The following ZNF438 variants were observed in gnomAD, a reference collection of about 807,000 sequenced individuals.
ZNF438 encodes the protein zinc finger protein 438.
ZNF438 carries 25 observed loss-of-function variants against 38.0 expected under a neutral mutation model. The ratio of observed to expected loss-of-function variants is 0.66; its 90% CI spans 0.48 to 0.92. The LOEUF is 0.92. Ranked by LOEUF, ZNF438 falls within the 40% of genes least tolerant of loss-of-function variation. The pLI is 0.00. For synonymous variants in ZNF438, 372 were observed against 364.1 expected (o/e 1.02, Z -0.25); for missense variants, 1,007 against 999.6 (o/e 1.01, Z -0.10).
chr10:30,921,511 T>C (rs1349380207), intron 2 of ZNF438, among the ~76,000 whole-genome samples: 1 of 152,166 alleles, frequency 6.6e-6, no homozygotes. Flanking sequence ...TCTTGACCTA[T>C]TTTTCTGGCT....
chr10:30,885,122 A>T (rs1348616061), intron 3 of ZNF438, among the ~76,000 whole-genome samples: 1 of 152,248 alleles, frequency 6.6e-6, no homozygotes, highest in African/African-American at 2.4e-5. Context: ...CATTCAGATA[A>T]ATGCCATAAT....
intron 4 of ZNF438, among the ~76,000 whole-genome samples, chr10:30,859,716 C>T (rs777279331): frequency 1.3e-5 from 2 of 152,162 alleles, no homozygotes; most frequent in Non-Finnish European, 2.9e-5. Flanking sequence ...CAAGTAGTTC[C>T]TGCTACATGT....
chr10:31,030,358 C>T (rs552098285), intron 1 of ZNF438, among the ~76,000 whole-genome samples: 13 of 152,304 alleles, frequency 8.5e-5, no homozygotes, highest in Admixed American at 2.0e-4. Context: ...AATATGAGCC[C>T]TGCTAGGTTG....
At chr10:31,007,347 T>C (rs577855803) in intron 1 of ZNF438, among the ~76,000 whole-genome samples, 4 of 149,590 alleles carry the variant, frequency 2.7e-5, no homozygotes, top group Non-Finnish European at 5.9e-5. Context: ...AGTGGCGTGA[T>C]CTCAGCTCAC....
intron 1 of ZNF438, among the ~76,000 whole-genome samples, chr10:31,015,959 C>A (rs2056164010): frequency 1.3e-5 from 2 of 152,166 alleles, no homozygotes; most frequent in Non-Finnish European, 2.9e-5. Flanking sequence ...CTTACTTAAC[C>A]TTAATCACCT....
chr10:30,910,976 C>T (rs376009368), intron 2 of ZNF438, among the ~76,000 whole-genome samples: 1 of 152,024 alleles, frequency 6.6e-6, no homozygotes, highest in East Asian at 1.9e-4. Context: ...AATACATTTT[C>T]ATAACTTAAA....
At chr10:30,895,321 A>T (rs2041185282) in intron 3 of ZNF438, among the ~76,000 whole-genome samples, 1 of 152,236 alleles carries the variant, frequency 6.6e-6, no homozygotes, top group Admixed American at 6.5e-5. Context: ...TGATGGTGCT[A>T]GCCAAGAGTT....
intron 1 of ZNF438, among the ~76,000 whole-genome samples, chr10:30,947,321 G>A (rs1386167941): frequency 6.6e-6 from 1 of 152,256 alleles, no homozygotes; most frequent in Admixed American, 6.5e-5. Flanking sequence ...TGTGTCTTCA[G>A]GGGATGTGTT....
chr10:30,907,057 C>T (rs1191888724), intron 3 of ZNF438, among the ~76,000 whole-genome samples: 1 of 152,224 alleles, frequency 6.6e-6, no homozygotes. Flanking sequence ...TCACTGCAAC[C>T]TCCGTCTCCT....
chr10:30,875,452 A>C, intron 4 of ZNF438: 1 of 980,864 alleles, frequency 1.0e-6, no homozygotes, highest in Non-Finnish European at 1.2e-6. Context: ...TATGGAATGG[A>C]GTCCAGCTTT....
chr10:30,942,256 T>G (rs949570254), intron 1 of ZNF438, among the ~76,000 whole-genome samples: 3 of 152,094 alleles, frequency 2.0e-5, no homozygotes, highest in Non-Finnish European at 2.9e-5. Flanking sequence ...CTGTAAGAGG[T>G]TGAATGCTAG....
intron 1 of ZNF438, among the ~76,000 whole-genome samples, chr10:30,982,344 A>C (rs1248977553): frequency 6.6e-6 from 1 of 151,984 alleles, no homozygotes; most frequent in Admixed American, 6.6e-5. Context: ...CTCGTGATCC[A>C]CCTGCCTCAG....
intron 3 of ZNF438, among the ~76,000 whole-genome samples, chr10:30,902,343 A>G (rs186743536): frequency 1.2e-3 from 181 of 147,966 alleles, no homozygotes; most frequent in African/African-American, 4.4e-3. Flanking sequence ...ACCTAGATAC[A>G]GAGTGTCGAT....
At chr10:30,900,427 A>G (rs1393003348) in intron 3 of ZNF438, among the ~76,000 whole-genome samples, 2 of 152,282 alleles carry the variant, frequency 1.3e-5, no homozygotes, top group African/African-American at 4.8e-5. Flanking sequence ...ACCAATAACC[A>G]TAACTGAATT....
chr10:30,997,910 G>A (rs897404471), intron 1 of ZNF438, among the ~76,000 whole-genome samples: 5 of 152,178 alleles, frequency 3.3e-5, no homozygotes, highest in Non-Finnish European at 5.9e-5. Flanking sequence ...TGAAAAGACA[G>A]AGCCAGAGAG....
intron 3 of ZNF438, among the ~76,000 whole-genome samples, chr10:30,886,322 C>G (rs571644943): frequency 1.3e-5 from 2 of 152,242 alleles, no homozygotes; most frequent in South Asian, 4.1e-4. Flanking sequence ...GTATTCAATG[C>G]TGCTCTTTGC....
At chr10:30,884,026 TG>T (rs1202276858) in intron 3 of ZNF438, among the ~76,000 whole-genome samples, 4 of 152,218 alleles carry the variant, frequency 2.6e-5, no homozygotes, top group African/African-American at 2.4e-5. Flanking sequence ...TTCCTTTTTA[TG>T]CTTATAAAGT....
intron 1 of ZNF438, among the ~76,000 whole-genome samples, chr10:31,018,666 C>A (rs565021393): frequency 2.0e-4 from 30 of 152,146 alleles, no homozygotes; most frequent in Non-Finnish European, 4.0e-4. Context: ...TAAACTGATG[C>A]CAAAAACCAG....
At chr10:31,004,881 A>C (rs576787406) in intron 1 of ZNF438, among the ~76,000 whole-genome samples, 1 of 152,282 alleles carries the variant, frequency 6.6e-6, no homozygotes, top group African/African-American at 2.4e-5. Flanking sequence ...TATGCTTTTA[A>C]CTGTTTCATA....
Sources: allele counts gnomAD v4.1 joint callset (sites outside exome capture counted in the v4.1 genomes callset), GRCh38; gene constraint gnomAD v4.1.1; transcripts MANE v1.5; gene names NCBI Gene and HGNC (gene_info 2026-07-23, HGNC 2026-07-21).